Variants in ANXA13 observed in about 807,000 individuals in gnomAD.
ANXA13 encodes annexin A13.
In ANXA13, 36 loss-of-function variants were observed where a neutral mutation model predicts 46.6. The observed-to-expected ratio is 0.77, with a 90% confidence interval of 0.59 to 1.02. The LOEUF (loss-of-function observed/expected upper bound fraction) is 1.02. Ranked by LOEUF, ANXA13 falls within the 50% of genes least tolerant of loss-of-function variation. The pLI is 0.00. For synonymous variants in ANXA13, 163 were observed against 152.9 expected (o/e 1.07, Z -0.49); for missense variants, 417 against 396.5 (o/e 1.05, Z -0.44).
At chr8:123,684,983 G>A (rs1813114766) in intron 9 of ANXA13, among the ~76,000 whole-genome samples, 1 of 152,202 alleles carries the variant, frequency 6.6e-6, no homozygotes, top group South Asian at 2.1e-4. Context: ...GGCCCTCCCG[G>A]CCACGTCCAT....
At chr8:123,732,385 A>G (rs1191150064) in intron 1 of ANXA13, among the ~76,000 whole-genome samples, 1 of 152,224 alleles carries the variant, frequency 6.6e-6, no homozygotes, top group Non-Finnish European at 1.5e-5. Context: ...TAAGCACTTT[A>G]TAAATGTCAG....
At chr8:123,730,672 G>T (rs997800910) in intron 1 of ANXA13, among the ~76,000 whole-genome samples, 4 of 152,082 alleles carry the variant, frequency 2.6e-5, no homozygotes, top group African/African-American at 9.7e-5. Context: ...TCCAATTATT[G>T]CTGTCTGTAT....
intron 3 of ANXA13, among the ~76,000 whole-genome samples, chr8:123,701,489 A>G (rs964989860): frequency 6.6e-6 from 1 of 152,142 alleles, no homozygotes; most frequent in African/African-American, 2.4e-5. Context: ...CAAAACAACA[A>G]CAACAAAAAA....
At chr8:123,720,814 C>T (rs28651583) in intron 1 of ANXA13, among the ~76,000 whole-genome samples, 1 of 151,860 alleles carries the variant, frequency 6.6e-6, no homozygotes, top group Admixed American at 6.6e-5. Flanking sequence ...AACTCCTGGG[C>T]TCAAGCAATC....
rs759218332 is a variant in ANXA13, at chr8:123,695,521, A to AT, written c.451dup (p.Ile151AsnfsTer9). Reference sequence around the variant, plus strand: ...TCTTACCTGCAGCAGAGACACCAGGATTTTTTTTAGGTTTCCACTTGTATC... The same window carrying AT: ...TCTTACCTGCAGCAGAGACACCAGGATTTTTTTTTAGGTTTCCACTTGTATC... On this transcript the variant is annotated frameshift_variant, in exon 6 of 11. Transcript: ENST00000419625. LOFTEE classifies it high-confidence loss of function. The AT allele has an allele frequency of 1.6e-5, 26 of 1,613,330 alleles. No homozygotes were observed. The highest frequency in any genetic ancestry group is 2.0e-5 in the Non-Finnish European group (24 of 1,179,530).
intron 2 of ANXA13, among the ~76,000 whole-genome samples, chr8:123,710,065 C>CTTA (rs971319690): frequency 3.9e-5 from 6 of 152,260 alleles, no homozygotes; most frequent in African/African-American, 1.2e-4. Flanking sequence ...AGCCAAGTTT[C>CTTA]TTATATTAAA....
At chr8:123,701,341 G>C (rs895043724) in intron 3 of ANXA13, among the ~76,000 whole-genome samples, 4 of 152,042 alleles carry the variant, frequency 2.6e-5, no homozygotes, top group Non-Finnish European at 5.9e-5. Flanking sequence ...ATGGTGGCGC[G>C]TGCCTGTAAT....
At chr8:123,724,486 T>C (rs1218413669) in intron 1 of ANXA13, among the ~76,000 whole-genome samples, 1 of 152,152 alleles carries the variant, frequency 6.6e-6, no homozygotes, top group Non-Finnish European at 1.5e-5. Context: ...ACCGTTAGTC[T>C]GAGAAAAATT....
In ANXA13 at chr8:123,735,712, C is replaced by A. The variant is rs765903624; in HGVS notation, c.15+1608G>T. Reference sequence around the variant, plus strand: ...GGCTCATATTGGCCCCATGACAGAGCAGGGGTCATACCTATGATTTGGGGG... The same window carrying A: ...GGCTCATATTGGCCCCATGACAGAGAAGGGGTCATACCTATGATTTGGGGG... On this transcript the variant is annotated intron_variant, in intron 1 of 10. Transcript: ENST00000419625. 37 of 1,572,712 alleles carry A rather than the reference C, an allele frequency of 2.4e-5. No homozygotes were observed. In the Middle Eastern group the frequency reaches 8.8e-4, roughly 38 times the overall value.
At chr8:123,698,226 G>A (rs1813378781) in intron 4 of ANXA13, among the ~76,000 whole-genome samples, 163 bp downstream of exon 4, 1 of 152,250 alleles carries the variant, frequency 6.6e-6, no homozygotes, top group African/African-American at 2.4e-5. Flanking sequence ...ACCTCTGGAA[G>A]ACTGGAAGAG....
intron 3 of ANXA13, among the ~76,000 whole-genome samples, chr8:123,699,357 T>G (rs28661804): frequency 0.12 from 18,657 of 152,066 alleles, 1,557 homozygotes; most frequent in African/African-American, 0.24. Context: ...TTTTTAAATT[T>G]TTTTGTGTAG....
chr8:123,681,321 C>A lies in ANXA13; in HGVS notation c.870G>T (p.Lys290Asn). The change falls in exon 11 of 11, where the codon AAG becomes AAT. Residue 290 changes from lysine to asparagine, a missense_variant. Physicochemically the swap from Lys to Asn is moderately conservative, Grantham distance 94. Coordinates refer to ENST00000419625, the MANE Select transcript of ANXA13 (RefSeq NM_004306.4). ...LQGIKAKFQEKYQKSLSDMVR... is the reference protein window; with the variant it reads ...LQGIKAKFQENYQKSLSDMVR... ...CCATGTCAGAGAGAGACTTCTGATA[C>A]TTCTCTTGGAACTTTGCTTTGATCC... 5 of 1,614,070 alleles carry A rather than the reference C, an allele frequency of 3.1e-6. No individual in the cohort carries two copies. The highest frequency in any genetic ancestry group is 4.2e-6 in the Non-Finnish European group (5 of 1,179,956).
chr8:123,733,823 T>C (rs1013576435), intron 1 of ANXA13, among the ~76,000 whole-genome samples: 6 of 152,148 alleles, frequency 3.9e-5, no homozygotes, highest in African/African-American at 1.4e-4. Flanking sequence ...TAATTCAGAC[T>C]CTAGGGCTGG....
At chr8:123,685,978 T>C (rs1441143772) in intron 9 of ANXA13, among the ~76,000 whole-genome samples, 3 of 152,172 alleles carry the variant, frequency 2.0e-5, no homozygotes, top group African/African-American at 7.2e-5. Flanking sequence ...GTGGGGATCA[T>C]TGTCTGCCTG....
At position 123,693,720 on chromosome 8, in the gene ANXA13, A is replaced by G; in HGVS notation, c.531T>C (p.Asp177=). 6.2e-7 allele frequency: 1 copy of G among 1,614,042 alleles called. No individual in the cohort carries two copies. Among genetic ancestry groups the G allele is most frequent in the East Asian group, 2.2e-5 (1 of 44,890 alleles). Residue 177 remains aspartate, a synonymous_variant, in exon 7 of 11, where the codon GAT becomes GAC. Transcript: ENST00000419625. ...ATGTCTGCACACATACATCATACAG[A>G]TCTTTGGCATCCTGACCAGCTAGAT... ...DKDLAGQDAK[D]LYDAGEGRWG... is the part of the protein sequence containing the mutation.
At chr8:123,728,282 A>G (rs563863119) in intron 1 of ANXA13, 1 of 152,342 alleles carries the variant, frequency 6.6e-6, no homozygotes, top group South Asian at 2.1e-4. Context: ...GAAGAGTGCT[A>G]AACTTCCAGA....
chr8:123,681,450 C>T (rs566365700), intron 10 of ANXA13, 91 bp from the exon 11 acceptor site: 2 of 1,311,270 alleles, frequency 1.5e-6, no homozygotes, highest in African/African-American at 2.9e-5. Flanking sequence ...TACTCATTTG[C>T]TCATTCATGC....
chr8:123,712,569 A>C, intron 2 of ANXA13, 109 bp downstream of exon 2: 1 of 974,784 alleles, frequency 1.0e-6, no homozygotes, highest in South Asian at 1.3e-5. Flanking sequence ...GTTAGCTCGG[A>C]ATACACAAGA....
intron 1 of ANXA13, among the ~76,000 whole-genome samples, chr8:123,723,260 A>G (rs1220241672): frequency 6.6e-6 from 1 of 152,242 alleles, no homozygotes; most frequent in African/African-American, 2.4e-5. Flanking sequence ...GACCAAAGAA[A>G]CTTGAGATTG....
Sources: allele counts gnomAD v4.1 joint callset (sites outside exome capture counted in the v4.1 genomes callset), GRCh38; gene constraint gnomAD v4.1.1; transcripts MANE v1.5; gene names NCBI Gene and HGNC (gene_info 2026-07-23, HGNC 2026-07-21).